TOP1: variants seen among roughly 807,000 people sequenced by gnomAD.
TOP1 encodes the protein DNA topoisomerase 1.
TOP1 carries 10 observed loss-of-function variants against 111.1 expected under a neutral mutation model. The observed-to-expected ratio is 0.09, with a 90% CI of 0.06 to 0.15. TOP1 has a LOEUF of 0.15. TOP1 is among the 10% of genes least tolerant of loss of function. TOP1 has a pLI of 1.00. For missense variants in TOP1, 474 were observed against 926.7 expected (o/e 0.51, Z 6.34); for synonymous variants, 271 against 302.9 (o/e 0.89, Z 1.10).
At chr20:41,035,258 G>A (rs984026543) in intron 2 of TOP1, among the ~76,000 whole-genome samples, 1 of 152,018 alleles carries the variant, frequency 6.6e-6, no homozygotes, top group African/African-American at 2.4e-5. Flanking sequence ...TTACCTGTCT[G>A]CTAAATTTTT....
chr20:41,081,675 T>A lies in TOP1; in HGVS notation c.507+435T>A, dbSNP rs2033790464. Among the ~76,000 whole-genome samples the A allele has an allele frequency of 2.0e-5, 3 of 152,336 alleles. No individual in the cohort carries two copies. The South Asian group carries it at 6.2e-4, about 32-fold the overall frequency. ...CTTTAATGGGTACCCCTTTGACATA[T>A]AATTGACACCCAAACTCTTTACTGC... is the stretch of plus-strand genomic sequence containing the variant. On this transcript the variant is annotated intron_variant, in intron 7 of 20. Coordinates refer to ENST00000361337, the MANE Select transcript of TOP1 (RefSeq NM_003286.4).
intron 2 of TOP1, among the ~76,000 whole-genome samples, chr20:41,050,650 AC>A (rs777633880): frequency 6.3e-4 from 96 of 152,264 alleles, no homozygotes; most frequent in Non-Finnish European, 1.3e-3. Context: ...CTCTCCCCTA[AC>A]AGTTGGGGAA....
At chr20:41,081,059 G>A in intron 6 of TOP1, 106 bp from the exon 7 acceptor site, 1 of 939,876 alleles carries the variant, frequency 1.1e-6, no homozygotes, top group East Asian at 2.7e-5. Flanking sequence ...AAGAATAACA[G>A]TGATTACTCT....
At chr20:41,073,545 A>G in intron 3 of TOP1, 1 of 871,594 alleles carries the variant, frequency 1.1e-6, no homozygotes, top group Non-Finnish European at 1.4e-6. Flanking sequence ...GTTTCTTAAC[A>G]CCAGTATACC....
At position 41,048,159 on chromosome 20, in the gene TOP1, A is replaced by G. The variant is rs1412600269; in HGVS notation, c.59-13235A>G. 3.9e-5 allele frequency among the ~76,000 whole-genome samples: 6 copies of G among 152,160 alleles called. No individual in the cohort carries two copies. The East Asian group carries it at 7.7e-4, about 20-fold the overall frequency. ...ATGCCTGCCTTTTAAAGGAACAGAG[A>G]GACCCAATTGGAATAGAAACTGAAA... On this transcript the variant is annotated intron_variant, in intron 2 of 20. Coordinates refer to ENST00000361337, the MANE Select transcript of TOP1 (RefSeq NM_003286.4).
Position 41,029,122 on chromosome 20 carries a change from G to A in TOP1, c.33+22G>A. 3.4e-6 allele frequency: 5 copies of A among 1,487,538 alleles called. No individual in the cohort carries two copies. Among genetic ancestry groups the A allele is most frequent in the Non-Finnish European group, 4.5e-6 (5 of 1,120,130 alleles). The allele number at this position is 1,487,538 out of a possible 1,614,324, so 92.1% of individuals were successfully genotyped here. ...CCAGGTACGGCCCGGCCTGACCCTG[G>A]CGGCCCCGGACCCCGGCCTGGCCGT... On this transcript the variant is annotated intron_variant, in intron 1 of 20. Coordinates refer to ENST00000361337, the MANE Select transcript of TOP1 (RefSeq NM_003286.4). This position sits in a 1 kb window ranked among gnomAD's most constrained non-coding sequence, Gnocchi z 6.1.
intron 3 of TOP1, among the ~76,000 whole-genome samples, chr20:41,073,898 ATGCAAT>A (rs563169299): frequency 2.6e-4 from 40 of 152,200 alleles, no homozygotes; most frequent in Non-Finnish European, 5.1e-4. Context: ...AATATTATAG[ATGCAAT>A]TGTTCCCAGA....
rs950168334 is a variant in TOP1 at position 41,092,731 on chromosome 20, G to GC, written c.730+145dup. 7 of 544,432 alleles carry GC rather than the reference G, an allele frequency of 1.3e-5. No individual in the cohort carries two copies. Among genetic ancestry groups the GC allele is most frequent in the Non-Finnish European group, 1.9e-5 (6 of 309,358 alleles). 33.7% of individuals were successfully genotyped at this position (544,432 alleles called of 1,614,324 possible). On this transcript the variant is annotated intron_variant, in intron 9 of 20. Coordinates refer to ENST00000361337, the MANE Select transcript of TOP1 (RefSeq NM_003286.4). The surrounding 1 kb of genome is among the most constrained non-coding windows in gnomAD (Gnocchi z 4.3). ...ATTGCCATGCAATTTTGAGGAAGGG[G>GC]CATCAGGTGTTAACTCTTAAAGGCT...
chr20:41,031,172 T>C (rs545976938), intron 2 of TOP1, among the ~76,000 whole-genome samples: 2 of 152,134 alleles, frequency 1.3e-5, no homozygotes, highest in Non-Finnish European at 2.9e-5. Flanking sequence ...TTAACCAACC[T>C]ATCACGATTT....
rs2033153615 is a variant in TOP1 at position 41,034,001 on chromosome 20, TGAAA to T, written c.58+4550_58+4553del. On this transcript the variant is annotated intron_variant, in intron 2 of 20. Transcript: ENST00000361337. This position sits in a 1 kb window ranked among gnomAD's most constrained non-coding sequence, Gnocchi z 4.0. ...GGAGGTTTAAAAAAAAAAACCCTAT[TGAAA>T]GAATAGTAAAATATATTGGATGTGG... Among the ~76,000 whole-genome samples the T allele has an allele frequency of 6.6e-6, 1 of 152,156 alleles. No homozygotes were observed. Among genetic ancestry groups the T allele is most frequent in the African/African-American group, 2.4e-5 (1 of 41,428 alleles).
Position 41,072,982 on chromosome 20 carries a change from A to G in TOP1, c.156-3189A>G, listed in dbSNP as rs1038591223. Reference sequence around the variant, plus strand: ...GTTTTTGTGATTAATTGTGACCTACAAAGGGGTTTACTACTCTAGCAGGAA... The same window carrying G: ...GTTTTTGTGATTAATTGTGACCTACGAAGGGGTTTACTACTCTAGCAGGAA... On this transcript the variant is annotated intron_variant, in intron 3 of 20. Transcript: ENST00000361337. The G allele has an allele frequency of 1.5e-5, 15 of 985,326 alleles. No individual in the cohort carries two copies. The African/African-American group carries it at 2.6e-4, about 17-fold the overall frequency. 61.0% of individuals were successfully genotyped at this position (985,326 alleles called of 1,614,324 possible). A position where few individuals can be genotyped will look rare whatever the true frequency, so the allele number is the denominator to read the frequency against.
chr20:41,087,067 A>G (rs2033858158), intron 8 of TOP1, among the ~76,000 whole-genome samples: 1 of 152,218 alleles, frequency 6.6e-6, no homozygotes, highest in Non-Finnish European at 1.5e-5. Flanking sequence ...TACAAGCTTG[A>G]CAAATTTGCA....
rs770292530 is a variant in TOP1 at position 41,116,426 on chromosome 20, CCTACTAATGGTAT to C, written c.1822+36_1822+48del. ...TGCTTGGCCAGATAGGGCCCACACC[CCTACTAATGGTAT>C]CCGGTGACCTTGCTTATCTAAGGCC... On this transcript the variant is annotated intron_variant, in intron 17 of 20. Transcript: ENST00000361337. This position sits in a 1 kb window ranked among gnomAD's most constrained non-coding sequence, Gnocchi z 5.6. 1 of 1,520,520 alleles carries C rather than the reference CCTACTAATGGTAT, an allele frequency of 6.6e-7. No homozygotes were observed. Among genetic ancestry groups the C allele is most frequent in the Non-Finnish European group, 9.1e-7 (1 of 1,095,172 alleles). 94.2% of individuals were successfully genotyped at this position (1,520,520 alleles called of 1,614,324 possible).
chr20:41,051,770 C>T (rs1600560326), intron 2 of TOP1, among the ~76,000 whole-genome samples: 1 of 151,780 alleles, frequency 6.6e-6, no homozygotes, highest in Non-Finnish European at 1.5e-5. Context: ...GTTGTTGGCT[C>T]GGTGGGCATT....
At position 41,118,062 on chromosome 20, in the gene TOP1, T is replaced by G; in HGVS notation, c.1823-107T>G. On this transcript the variant is annotated intron_variant, in intron 17 of 20. Transcript: ENST00000361337. The surrounding 1 kb of genome is among the most constrained non-coding windows in gnomAD (Gnocchi z 4.6). ...ATTTGAATTAATCATCTGAGTAAGA[T>G]AAGAGCCAGCAAAATCATGGGGACG... 2 of 1,287,396 alleles carry G rather than the reference T, an allele frequency of 1.6e-6. No homozygotes were observed. The allele number at this position is 1,287,396 out of a possible 1,614,324, so 79.7% of individuals were successfully genotyped here.
chr20:41,101,107 A>C lies in TOP1; in HGVS notation c.1164-102A>C. The C allele has an allele frequency of 7.6e-7, 1 of 1,314,726 alleles. No individual in the cohort carries two copies. The highest frequency in any genetic ancestry group is 1.1e-6 in the Non-Finnish European group (1 of 933,034). 81.4% of individuals were successfully genotyped at this position (1,314,726 alleles called of 1,614,324 possible). ...TACTGTATTGACTGTTAAGAAGGAA[A>C]CTTGGAAAATTATGCTCAGCAGATA... On this transcript the variant is annotated intron_variant, in intron 12 of 20. Transcript: ENST00000361337. The surrounding 1 kb of genome is among the most constrained non-coding windows in gnomAD (Gnocchi z 4.1).
Position 41,082,956 on chromosome 20 carries a change from A to G in TOP1, c.508-1506A>G, listed in dbSNP as rs2033806373. Among the ~76,000 whole-genome samples, 2 of 152,188 alleles carry G rather than the reference A, an allele frequency of 1.3e-5. No homozygotes were observed. The highest frequency in any genetic ancestry group is 2.4e-5 in the African/African-American group (1 of 41,454). On this transcript the variant is annotated intron_variant, in intron 7 of 20. Coordinates refer to ENST00000361337, the MANE Select transcript of TOP1 (RefSeq NM_003286.4). The surrounding 1 kb of genome is among the most constrained non-coding windows in gnomAD (Gnocchi z 4.1). ...TTATTCTATTTAGCAGCCCTACCAC[A>G]TAGGGGGAAAAATGCTGGCTGAAAG...
chr20:41,036,725 T>C (rs1321532332), intron 2 of TOP1, among the ~76,000 whole-genome samples: 2 of 152,308 alleles, frequency 1.3e-5, no homozygotes, highest in Middle Eastern at 3.4e-3. Flanking sequence ...CAGCAGAGCC[T>C]ACACTGATGT....
At chr20:41,104,936 G>GCCT (rs2034122169) in intron 13 of TOP1, among the ~76,000 whole-genome samples, 1 of 152,040 alleles carries the variant, frequency 6.6e-6, no homozygotes, top group Non-Finnish European at 1.5e-5. Context: ...AAATATTAGG[G>GCCT]GTTTTATTTT....
Sources: gnomAD v4.1 joint callset for allele counts (sites outside exome capture counted in the v4.1 genomes callset) on GRCh38, gnomAD v4.1.1 for gene constraint, Gnocchi (gnomAD v3.1) non-coding constraint, MANE v1.5 for transcripts, NCBI Gene and HGNC (gene_info 2026-07-23, HGNC 2026-07-21) for gene names.